Variants in SLC24A3 observed in about 807,000 individuals in gnomAD.
SLC24A3 encodes solute carrier family 24 member 3.
A neutral mutation model predicts 75.8 loss-of-function variants in SLC24A3; 28 were observed. The ratio of observed to expected loss-of-function variants is 0.37; its 90% CI spans 0.27 to 0.51. The LOEUF (loss-of-function observed/expected upper bound fraction) is 0.51, where lower values mean the gene tolerates loss of function less well. SLC24A3 is among the 20% of genes least tolerant of loss of function. The probability of loss-of-function intolerance (pLI) is 0.94; values close to 1 mark genes in which losing one functional copy is unlikely to be tolerated. For synonymous variants in SLC24A3, 372 were observed against 334.1 expected (o/e 1.11, Z -1.24); for missense variants, 663 against 847.8 (o/e 0.78, Z 2.71).
intron 6 of SLC24A3, among the ~76,000 whole-genome samples, chr20:19,593,550 G>T (rs1381384137): frequency 6.6e-6 from 1 of 152,228 alleles, no homozygotes; most frequent in Non-Finnish European, 1.5e-5. Context: ...CCTGGAGAAA[G>T]ACATTGTTGA....
At position 19,424,280 on chromosome 20, in the gene SLC24A3, T is replaced by G. The variant is rs73288765; in HGVS notation, c.272-91208T>G. Among the ~76,000 whole-genome samples the G allele has an allele frequency of 8.0e-3, 1,219 of 152,292 alleles. 19 individuals carry two copies. The highest frequency in any genetic ancestry group is 0.028 in the African/African-American group (1,157 of 41,556). ...TTTCAAGAATAGTACCATAAATAACTGCACATTCTACACATGGATTCCCAA... is the reference window on the plus strand; with the variant it reads ...TTTCAAGAATAGTACCATAAATAACGGCACATTCTACACATGGATTCCCAA... On this transcript the variant is annotated intron_variant, in intron 2 of 16. Transcript: ENST00000328041.
rs1195605240 is a variant in SLC24A3 at position 19,212,854 on chromosome 20, C to T, written c.12C>T (p.Ser4=). The part of the protein sequence containing the change: MRP[S]GDEDRARRRR... ...CCGGCCGCCCGAGGATGCGGCCGTC[C>T]GGCGACGAGGACCGCGCGCGTCGCC... Residue 4 remains serine (S), a synonymous_variant, in exon 1 of 17, where the codon TCC becomes TCT. Transcript: ENST00000328041. The T allele has an allele frequency of 1.1e-5, 12 of 1,134,428 alleles. No individual in the cohort carries two copies. The highest frequency in any genetic ancestry group is 1.3e-5 in the Non-Finnish European group (12 of 925,094). The allele number at this position is 1,134,428 out of a possible 1,614,324, so 70.3% of individuals were successfully genotyped here. A position where few individuals can be genotyped will look rare whatever the true frequency, so the allele number is the denominator to read the frequency against.
At chr20:19,264,466 A>G (rs545273158) in intron 1 of SLC24A3, among the ~76,000 whole-genome samples, 1 of 152,088 alleles carries the variant, frequency 6.6e-6, no homozygotes, top group South Asian at 2.1e-4. Context: ...TCAAAAGTGC[A>G]GTCTGCCCAG....
intron 2 of SLC24A3, among the ~76,000 whole-genome samples, chr20:19,370,564 G>C (rs1038494478): frequency 5.3e-5 from 8 of 152,220 alleles, no homozygotes; most frequent in Non-Finnish European, 1.0e-4. Flanking sequence ...CCATTTAATG[G>C]ACACCAGCTG....
At chr20:19,559,382 T>G (rs528227067) in intron 3 of SLC24A3, among the ~76,000 whole-genome samples, 2 of 152,356 alleles carry the variant, frequency 1.3e-5, no homozygotes, top group South Asian at 4.1e-4. Flanking sequence ...ACATAGCTTG[T>G]GCTTATTTTC....
In SLC24A3 at chr20:19,722,129, AC is replaced by A. The variant is rs933560485; in HGVS notation, c.*990del. On this transcript the variant is annotated 3_prime_UTR_variant, in exon 17 of 17. Transcript: ENST00000328041. ...CTCTTGTTGTTTGGCATTTGGGGTG[AC>A]AGGGAGTGACCCAGAGGCCACCACT... 3.3e-5 allele frequency: 5 copies of A among 152,740 alleles called. No homozygotes were observed. The highest frequency in any genetic ancestry group is 1.2e-4 in the African/African-American group (5 of 41,474). The allele number at this position is 152,740 out of a possible 1,614,324, so 9.5% of individuals were successfully genotyped here.
chr20:19,717,671 C>G (rs890303089), intron 16 of SLC24A3, 78 bp downstream of exon 16: 4 of 1,519,736 alleles, frequency 2.6e-6, no homozygotes, highest in Non-Finnish European at 2.7e-6. Flanking sequence ...ACCAGATGAG[C>G]TTGGTCTCCT....
Position 19,281,376 on chromosome 20 carries a change from G to A in SLC24A3, c.271+289G>A, listed in dbSNP as rs899745272. ...CTGGTGCTGCCAAGTGAGAAACCAA[G>A]GCAGGAGCAGGATGGGTGAGGATAT... is the stretch of plus-strand genomic sequence containing the variant. On this transcript the variant is annotated intron_variant, in intron 2 of 16. Coordinates refer to ENST00000328041, the MANE Select transcript of SLC24A3 (RefSeq NM_020689.4). 3.0e-4 allele frequency among the ~76,000 whole-genome samples: 46 copies of A among 152,288 alleles called. 1 individual carries two copies. Among genetic ancestry groups the A allele is most frequent in the African/African-American group, 9.4e-4 (39 of 41,556 alleles).
At chr20:19,448,568 G>A (rs1205958118) in intron 2 of SLC24A3, among the ~76,000 whole-genome samples, 1 of 152,212 alleles carries the variant, frequency 6.6e-6, no homozygotes, top group Non-Finnish European at 1.5e-5. Context: ...GTAGTCTTGA[G>A]TGGTTTCCCT....
At chr20:19,352,667 C>A (rs930985783) in intron 2 of SLC24A3, among the ~76,000 whole-genome samples, 1 of 152,166 alleles carries the variant, frequency 6.6e-6, no homozygotes, top group African/African-American at 2.4e-5. Context: ...AGCCCAAGTC[C>A]GCATTGAACC....
intron 2 of SLC24A3, among the ~76,000 whole-genome samples, chr20:19,483,545 A>C (rs1393987571): frequency 6.6e-6 from 1 of 152,204 alleles, no homozygotes; most frequent in Non-Finnish European, 1.5e-5. Flanking sequence ...CATTTTCACC[A>C]GCTGTGTCTG....
chr20:19,638,452 A>G (rs923914322), intron 6 of SLC24A3, among the ~76,000 whole-genome samples: 1 of 152,216 alleles, frequency 6.6e-6, no homozygotes, highest in Non-Finnish European at 1.5e-5. Context: ...TTTATTGAAT[A>G]TGGGAATAAA....
At chr20:19,552,651 T>A (rs2030715271) in intron 3 of SLC24A3, among the ~76,000 whole-genome samples, 1 of 152,196 alleles carries the variant, frequency 6.6e-6, no homozygotes, top group South Asian at 2.1e-4. Context: ...TTTCAGCTGA[T>A]CCCATTCACT....
chr20:19,313,582 G>A (rs998934520), intron 2 of SLC24A3, among the ~76,000 whole-genome samples: 1 of 152,208 alleles, frequency 6.6e-6, no homozygotes, highest in African/African-American at 2.4e-5. Flanking sequence ...CAGCTCTGAG[G>A]TCTGAACTTG....
At chr20:19,676,351 A>G (rs1434412794) in intron 9 of SLC24A3, among the ~76,000 whole-genome samples, 2 of 152,174 alleles carry the variant, frequency 1.3e-5, no homozygotes, top group African/African-American at 2.4e-5. Flanking sequence ...ACTTTTACCA[A>G]CATTCCAGCT....
chr20:19,371,463 C>A (rs1303420245), intron 2 of SLC24A3, among the ~76,000 whole-genome samples: 1 of 152,186 alleles, frequency 6.6e-6, no homozygotes, highest in African/African-American at 2.4e-5. Flanking sequence ...ATGGACAAGA[C>A]CCCAAGCCTG....
chr20:19,574,650 A>G (rs1201838200), intron 3 of SLC24A3, among the ~76,000 whole-genome samples: 1 of 152,204 alleles, frequency 6.6e-6, no homozygotes, highest in Non-Finnish European at 1.5e-5. Context: ...TCATGGCATC[A>G]TTATTGTTGC....
chr20:19,688,215 G>A (rs77347162), intron 12 of SLC24A3, among the ~76,000 whole-genome samples: 82 of 152,274 alleles, frequency 5.4e-4, no homozygotes, highest in Non-Finnish European at 9.1e-4. Context: ...ATCAAGAACC[G>A]GCTGCCCCCC....
chr20:19,551,692 G>A (rs749040505), intron 3 of SLC24A3, among the ~76,000 whole-genome samples: 1 of 151,972 alleles, frequency 6.6e-6, no homozygotes, highest in Non-Finnish European at 1.5e-5. Context: ...CATGCTCCTC[G>A]GCTCCTGCTG....
Sources: allele counts gnomAD v4.1 joint callset (sites outside exome capture counted in the v4.1 genomes callset), GRCh38; gene constraint gnomAD v4.1.1; transcripts MANE v1.5; gene names NCBI Gene and HGNC (gene_info 2026-07-23, HGNC 2026-07-21).